PAX5: variants seen among roughly 807,000 people sequenced by gnomAD.
PAX5 encodes paired box 5, also known as paired box protein Pax-5.
PAX5 carries 9 observed loss-of-function variants against 43.7 expected under a neutral mutation model. The ratio of observed to expected loss-of-function variants is 0.21; its 90% CI spans 0.12 to 0.36. The LOEUF is 0.36. Among genes scored for constraint, PAX5 ranks in the 10% least tolerant of loss-of-function variants. PAX5 has a pLI of 1.00. For missense variants in PAX5, 383 were observed against 532.7 expected, an observed-to-expected ratio of 0.72 and a Z score of 2.77; for synonymous variants, 228 against 214.3, an observed-to-expected ratio of 1.06 and a Z score of -0.56.
intron 1 of PAX5, among the ~76,000 whole-genome samples, chr9:37,032,315 C>T (rs1339001177): frequency 6.6e-6 from 1 of 152,190 alleles, no homozygotes; most frequent in Non-Finnish European, 1.5e-5. Context: ...CCGAGGACTG[C>T]GCAGACCCTC....
At chr9:36,963,860 T>C (rs544017756) in intron 6 of PAX5, among the ~76,000 whole-genome samples, 3 of 152,178 alleles carry the variant, frequency 2.0e-5, no homozygotes, top group Non-Finnish European at 4.4e-5. Flanking sequence ...TCTTCCCTGT[T>C]CACTTGCTGG....
At chr9:36,881,949 C>G in intron 8 of PAX5, 55 bp downstream of exon 8, 1 of 1,333,116 alleles carries the variant, frequency 7.5e-7, no homozygotes, top group Non-Finnish European at 1.1e-6. Flanking sequence ...GGGATGTCCC[C>G]CCACCGAAAC....
chr9:37,026,498 G>C, intron 1 of PAX5: 1 of 1,318,712 alleles, frequency 7.6e-7, no homozygotes, highest in Non-Finnish European at 9.9e-7. Flanking sequence ...GGTCCCGGCG[G>C]GAGAGTGAGA....
At chr9:37,002,423 G>A (rs1246693223) in intron 5 of PAX5, among the ~76,000 whole-genome samples, 1 of 152,236 alleles carries the variant, frequency 6.6e-6, no homozygotes, top group Non-Finnish European at 1.5e-5. Context: ...GTGACCATGG[G>A]GGAGGCCAGC....
intron 7 of PAX5, among the ~76,000 whole-genome samples, chr9:36,915,168 T>C (rs1829634134): frequency 6.6e-6 from 1 of 152,212 alleles, no homozygotes. Flanking sequence ...ATGACATAAA[T>C]TCCTAAAAGT....
chr9:36,848,558 C>T lies in PAX5; in HGVS notation c.1013-1629G>A, dbSNP rs149148310. ...GGCTCCGGCATATCCATCAGCACCA[C>T]GGAGCCTCCTCCTCCTCAGGTGGGG... On this transcript the variant is annotated intron_variant, in intron 8 of 9. Transcript: ENST00000358127. Among the ~76,000 whole-genome samples, 90 of 152,274 alleles carry T rather than the reference C, an allele frequency of 5.9e-4. No individual in the cohort carries two copies. In the East Asian group the frequency reaches 0.016, roughly 27 times the overall value.
chr9:36,943,204 G>T (rs1286828575), intron 6 of PAX5, among the ~76,000 whole-genome samples: 6 of 152,148 alleles, frequency 3.9e-5, no homozygotes, highest in Non-Finnish European at 8.8e-5. Flanking sequence ...CATCAGGTTT[G>T]CCTCCCCAGG....
rs146681850 is a variant in PAX5 at position 36,963,442 on chromosome 9, C to T, written c.780+3107G>A. ...ATGCTCCCAACCCAGGTAACATCCC[C>T]CTCTCTGGCTGACACCTCATCAGGA... On this transcript the variant is annotated intron_variant, in intron 6 of 9. Coordinates refer to ENST00000358127, the MANE Select transcript of PAX5 (RefSeq NM_016734.3). Among the ~76,000 whole-genome samples the T allele has an allele frequency of 1.6e-4, 24 of 152,316 alleles. No homozygotes were observed. The East Asian group carries it at 4.3e-3, about 27-fold the overall frequency.
intron 7 of PAX5, among the ~76,000 whole-genome samples, chr9:36,920,793 A>T: frequency 6.9e-6 from 1 of 145,274 alleles, no homozygotes; most frequent in African/African-American, 2.5e-5. Flanking sequence ...CCTGTATAGT[A>T]TAGACATAGC....
chr9:36,879,819 C>T (rs1329106757), intron 8 of PAX5, among the ~76,000 whole-genome samples: 2 of 152,176 alleles, frequency 1.3e-5, no homozygotes, highest in Non-Finnish European at 1.5e-5. Flanking sequence ...CTCCCAAGGC[C>T]GCCTGGACGT....
chr9:36,853,746 A>G (rs1483485368), intron 8 of PAX5, among the ~76,000 whole-genome samples: 1 of 152,256 alleles, frequency 6.6e-6, no homozygotes, highest in Non-Finnish European at 1.5e-5. Context: ...AGGGGTTATG[A>G]TAAGATGCAC....
intron 5 of PAX5, among the ~76,000 whole-genome samples, chr9:36,974,262 C>T (rs578107134): frequency 2.0e-5 from 3 of 152,132 alleles, no homozygotes; most frequent in African/African-American, 4.8e-5. Context: ...ACTCCTTGTG[C>T]GAGACTGAGA....
chr9:37,008,086 G>A (rs1002714729), intron 3 of PAX5: 1 of 152,218 alleles, frequency 6.6e-6, no homozygotes, highest in African/African-American at 2.4e-5. Context: ...TTGAGACGAA[G>A]TCTCTCTCTG....
intron 7 of PAX5, among the ~76,000 whole-genome samples, chr9:36,906,744 G>A (rs1480100090): frequency 6.6e-6 from 1 of 152,170 alleles, no homozygotes; most frequent in East Asian, 1.9e-4. Context: ...CTGACTCCCT[G>A]ACTCAGGTTG....
intron 6 of PAX5, among the ~76,000 whole-genome samples, chr9:36,944,825 A>T (rs969631718): frequency 6.6e-6 from 1 of 152,270 alleles, no homozygotes; most frequent in Non-Finnish European, 1.5e-5. Context: ...TGATTTTAAA[A>T]TAAATGAAAG....
chr9:36,985,751 C>A (rs534840354), intron 5 of PAX5, among the ~76,000 whole-genome samples: 1 of 152,186 alleles, frequency 6.6e-6, no homozygotes, highest in African/African-American at 2.4e-5. Flanking sequence ...GTGGCAGGGT[C>A]AAAATCCAGT....
chr9:36,966,143 C>A (rs1157066255), intron 6 of PAX5, among the ~76,000 whole-genome samples: 4 of 152,242 alleles, frequency 2.6e-5, no homozygotes, highest in African/African-American at 9.6e-5. Context: ...TTCCATTGTT[C>A]ACGGCCGGTG....
At chr9:37,013,227 T>C (rs929868377) in intron 3 of PAX5, among the ~76,000 whole-genome samples, 1 of 152,240 alleles carries the variant, frequency 6.6e-6, no homozygotes, top group African/African-American at 2.4e-5. Flanking sequence ...CCTGGCAGCA[T>C]TCGGCTGGAG....
intron 9 of PAX5, among the ~76,000 whole-genome samples, chr9:36,843,152 G>T (rs1377042588): frequency 6.6e-6 from 1 of 152,072 alleles, no homozygotes; most frequent in Non-Finnish European, 1.5e-5. Context: ...GCATGTGTGT[G>T]TGTAGGGTTC....
Sources: allele counts gnomAD v4.1 joint callset (sites outside exome capture counted in the v4.1 genomes callset), GRCh38; gene constraint gnomAD v4.1.1; transcripts MANE v1.5; gene names NCBI Gene and HGNC (gene_info 2026-07-23, HGNC 2026-07-21).